Variants in ARHGAP26 observed in about 807,000 individuals in gnomAD.
ARHGAP26 encodes the protein rho GTPase-activating protein 26.
A neutral mutation model predicts 104.8 loss-of-function variants in ARHGAP26; 38 were observed. That is an observed-to-expected ratio of 0.36 (90% CI 0.28 to 0.48). The LOEUF is 0.48. Ranked by LOEUF, ARHGAP26 falls within the 20% of genes least tolerant of loss-of-function variation. ARHGAP26 has a pLI of 0.99. For synonymous variants in ARHGAP26, 341 were observed against 340.0 expected, an observed-to-expected ratio of 1.00 and a Z score of -0.03; for missense variants, 704 against 947.9, an observed-to-expected ratio of 0.74 and a Z score of 3.38.
At chr5:142,900,546 A>G (rs1028028582) in intron 6 of ARHGAP26, among the ~76,000 whole-genome samples, 6 of 127,194 alleles carry the variant, frequency 4.7e-5, no homozygotes, top group African/African-American at 1.8e-4. Context: ...CTCTGAGTTT[A>G]GGTCCAGTGC....
At chr5:143,058,021 A>G (rs1786104838) in intron 17 of ARHGAP26, 1 of 611,950 alleles carries the variant, frequency 1.6e-6, no homozygotes, top group Admixed American at 2.1e-5. Flanking sequence ...TCAAGGGCAA[A>G]TTGGAGTGTG....
At chr5:143,139,099 G>C (rs569174340) in intron 19 of ARHGAP26, among the ~76,000 whole-genome samples, 1 of 152,254 alleles carries the variant, frequency 6.6e-6, no homozygotes, top group Non-Finnish European at 1.5e-5. Flanking sequence ...TCATTCAGCT[G>C]GGCATCTGCC....
chr5:142,983,373 ATT>A (rs887679292), intron 11 of ARHGAP26, among the ~76,000 whole-genome samples: 2 of 152,106 alleles, frequency 1.3e-5, no homozygotes, highest in African/African-American at 4.8e-5. Context: ...CACCTGGCTA[ATT>A]TTGTATTACT....
chr5:142,873,659 G>T (rs564803543), intron 2 of ARHGAP26, among the ~76,000 whole-genome samples, 164 bp downstream of exon 2: 1 of 152,322 alleles, frequency 6.6e-6, no homozygotes, highest in Non-Finnish European at 1.5e-5. Flanking sequence ...GGAGCTTGGG[G>T]CTACTCTGGT....
chr5:142,986,549 T>A (rs1774766090), intron 11 of ARHGAP26, among the ~76,000 whole-genome samples: 1 of 152,248 alleles, frequency 6.6e-6, no homozygotes, highest in African/African-American at 2.4e-5. Flanking sequence ...TTGCTATTGC[T>A]TTTGGTGTTT....
chr5:143,207,824 C>T (rs1056538158), intron 21 of ARHGAP26, among the ~76,000 whole-genome samples: 4 of 152,232 alleles, frequency 2.6e-5, no homozygotes, highest in African/African-American at 7.2e-5. Flanking sequence ...TATCAGGCAG[C>T]GTCAGGCAAT....
intron 17 of ARHGAP26, among the ~76,000 whole-genome samples, chr5:143,068,720 T>C (rs1370676838): frequency 6.6e-6 from 1 of 152,232 alleles, no homozygotes; most frequent in Non-Finnish European, 1.5e-5. Context: ...TTTTAGGTAC[T>C]ATCCCATTTT....
intron 17 of ARHGAP26, among the ~76,000 whole-genome samples, chr5:143,104,984 A>G (rs369781252): frequency 2.0e-5 from 3 of 152,204 alleles, no homozygotes; most frequent in East Asian, 3.8e-4. Context: ...TCCACAGTAA[A>G]TACTTTCATT....
chr5:143,080,594 C>T (rs1220434492), intron 17 of ARHGAP26, among the ~76,000 whole-genome samples: 1 of 152,202 alleles, frequency 6.6e-6, no homozygotes, highest in African/African-American at 2.4e-5. Flanking sequence ...GGAAAGGCAC[C>T]TGCTTGGTGT....
At chr5:143,180,558 C>T (rs1205631427) in intron 20 of ARHGAP26, among the ~76,000 whole-genome samples, 1 of 152,202 alleles carries the variant, frequency 6.6e-6, no homozygotes, top group African/African-American at 2.4e-5. Context: ...GTTTAATTGA[C>T]TTACAGTTCC....
intron 19 of ARHGAP26, among the ~76,000 whole-genome samples, chr5:143,140,312 G>A (rs909918873): frequency 6.6e-6 from 1 of 152,188 alleles, no homozygotes; most frequent in South Asian, 2.1e-4. Flanking sequence ...GTGGTTGAAA[G>A]TGGAGGCTCT....
intron 22 of ARHGAP26, among the ~76,000 whole-genome samples, chr5:143,217,042 G>A (rs1328560386): frequency 6.6e-6 from 1 of 152,096 alleles, no homozygotes; most frequent in Admixed American, 6.6e-5. Context: ...TACTGCTGGG[G>A]ATATGAGGTA....
intron 1 of ARHGAP26, among the ~76,000 whole-genome samples, chr5:142,780,292 G>GC (rs1757239539): frequency 6.6e-6 from 1 of 152,128 alleles, no homozygotes; most frequent in African/African-American, 2.4e-5. Context: ...TTTCACCATT[G>GC]CAAGTAATGT....
intron 1 of ARHGAP26, among the ~76,000 whole-genome samples, chr5:142,785,895 C>G (rs1010959515): frequency 6.6e-6 from 1 of 152,100 alleles, no homozygotes; most frequent in African/African-American, 2.4e-5. Context: ...CCACACACCC[C>G]CATCATTTGT....
At chr5:142,850,238 C>T (rs1751253497) in intron 1 of ARHGAP26, among the ~76,000 whole-genome samples, 1 of 152,206 alleles carries the variant, frequency 6.6e-6, no homozygotes, top group Non-Finnish European at 1.5e-5. Flanking sequence ...ATTGTCCCCT[C>T]TTCCCATAGG....
At chr5:143,070,370 TC>T (rs1788071809) in intron 17 of ARHGAP26, among the ~76,000 whole-genome samples, 1 of 152,184 alleles carries the variant, frequency 6.6e-6, no homozygotes, top group South Asian at 2.1e-4. Context: ...ATGTAGATTA[TC>T]CCTTCTTTGT....
At chr5:142,988,690 GTC>G (rs1178183290) in intron 11 of ARHGAP26, among the ~76,000 whole-genome samples, 1 of 152,112 alleles carries the variant, frequency 6.6e-6, no homozygotes, top group African/African-American at 2.4e-5. Context: ...GGTATGTTGT[GTC>G]TTTGTTCTCA....
In ARHGAP26 at chr5:142,890,136, T is replaced by TAAAA. The variant is rs1162535877; in HGVS notation, c.487-4089_487-4086dup. Among the ~76,000 whole-genome samples the TAAAA allele has an allele frequency of 1.3e-3, 39 of 29,154 alleles. 2 individuals carry two copies. Among genetic ancestry groups the TAAAA allele is most frequent in the East Asian group, 9.6e-3 (3 of 314 alleles). 19.1% of individuals were successfully genotyped at this position (29,154 alleles called of 152,430 possible). On this transcript the variant is annotated intron_variant, in intron 5 of 22. Coordinates refer to ENST00000645722, the MANE Select transcript of ARHGAP26 (RefSeq NM_001135608.3). ...GGGTAACAAGAGCGAAACTCCGTCT[T>TAAAA]AAAAAAAAAAAAAAAATATATATAT...
intron 1 of ARHGAP26, among the ~76,000 whole-genome samples, chr5:142,783,890 A>G (rs1597600527): frequency 6.6e-6 from 1 of 152,356 alleles, no homozygotes. Context: ...GTGCACTGAA[A>G]TGTTTGACAC....
Sources: allele counts gnomAD v4.1 joint callset (sites outside exome capture counted in the v4.1 genomes callset), GRCh38; gene constraint gnomAD v4.1.1; transcripts MANE v1.5; gene names NCBI Gene and HGNC (gene_info 2026-07-23, HGNC 2026-07-21).